Variants in ENTHD1 observed in about 807,000 individuals in gnomAD.
The protein encoded by ENTHD1 is ENTH domain-containing protein 1.
ENTHD1 carries 23 observed loss-of-function variants against 39.1 expected under a neutral mutation model. The observed-to-expected ratio is 0.59, with a 90% CI of 0.42 to 0.83. ENTHD1 has a LOEUF of 0.83. Among genes scored for constraint, ENTHD1 ranks in the 40% least tolerant of loss-of-function variants. The pLI, the probability that ENTHD1 is intolerant of heterozygous loss-of-function variation, is 0.00. For missense variants in ENTHD1, 624 were observed against 705.4 expected (o/e 0.88, Z 1.31); for synonymous variants, 230 against 258.2 (o/e 0.89, Z 1.05).
intron 5 of ENTHD1, among the ~76,000 whole-genome samples, chr22:39,767,132 C>T (rs569047989): frequency 1.3e-5 from 2 of 152,232 alleles, no homozygotes; most frequent in South Asian, 4.2e-4. Flanking sequence ...TCCCAGAGGA[C>T]AGGTTCAATG....
chr22:39,808,025 A>G (rs2065657553), intron 5 of ENTHD1, among the ~76,000 whole-genome samples: 1 of 152,130 alleles, frequency 6.6e-6, no homozygotes, highest in African/African-American at 2.4e-5. Flanking sequence ...CTTGGTCTAA[A>G]TGCTGACTTT....
intron 2 of ENTHD1, among the ~76,000 whole-genome samples, chr22:39,862,897 G>T (rs2066154327): frequency 6.6e-6 from 1 of 152,162 alleles, no homozygotes; most frequent in African/African-American, 2.4e-5. Flanking sequence ...TTTGTGAACA[G>T]ACTAAAGGTC....
chr22:39,841,628 G>A (rs1384674999), intron 3 of ENTHD1, among the ~76,000 whole-genome samples: 1 of 151,220 alleles, frequency 6.6e-6, no homozygotes, highest in Non-Finnish European at 1.5e-5. Context: ...GCCTATGTGT[G>A]TCTCTGCACG....
chr22:39,840,482 G>A (rs2065935394), intron 3 of ENTHD1, among the ~76,000 whole-genome samples: 1 of 152,186 alleles, frequency 6.6e-6, no homozygotes, highest in Admixed American at 6.5e-5. Flanking sequence ...CGCTCCATAA[G>A]TTGAACAGAT....
chr22:39,769,524 T>C (rs942323216), intron 5 of ENTHD1, among the ~76,000 whole-genome samples: 1 of 152,192 alleles, frequency 6.6e-6, no homozygotes, highest in African/African-American at 2.4e-5. Context: ...ATTAAATCCC[T>C]GCAACTTCCA....
chr22:39,852,944 T>C (rs1405168706), intron 3 of ENTHD1, among the ~76,000 whole-genome samples: 2 of 152,194 alleles, frequency 1.3e-5, no homozygotes, highest in Non-Finnish European at 2.9e-5. Flanking sequence ...GCAAATGTTT[T>C]AGTTACAACC....
chr22:39,756,287 GTCTCTCTCTCTCTCTC>G (rs769318998), intron 6 of ENTHD1, among the ~76,000 whole-genome samples: 1 of 144,336 alleles, frequency 6.9e-6, no homozygotes, highest in Non-Finnish European at 1.5e-5. Flanking sequence ...CAATGTCTCT[GTCTCTCTCTCTCTCTC>G]TCTCTCTCTC....
chr22:39,754,302 C>T (rs2065168532), intron 6 of ENTHD1, among the ~76,000 whole-genome samples: 1 of 152,224 alleles, frequency 6.6e-6, no homozygotes, highest in Non-Finnish European at 1.5e-5. Flanking sequence ...AATATCCACC[C>T]TTTTCATTCC....
Position 39,765,629 on chromosome 22 carries a change from A to G in ENTHD1, c.833-20T>C, listed in dbSNP as rs772735222. On this transcript the variant is annotated intron_variant, in intron 5 of 6. Transcript: ENST00000325157. ...CAGCATCTATAAAAGAACAAATAAG[A>G]GCTATAATCAAAAAATAAAACTGAA... The G allele has an allele frequency of 1.7e-5, 26 of 1,556,094 alleles. 1 individual carries two copies. Among genetic ancestry groups the G allele is most frequent in the Non-Finnish European group, 2.2e-5 (25 of 1,155,548 alleles).
At chr22:39,748,596 T>G (rs1224586489) in intron 6 of ENTHD1, among the ~76,000 whole-genome samples, 2 of 151,136 alleles carry the variant, frequency 1.3e-5, no homozygotes, top group African/African-American at 4.9e-5. Context: ...ATTTTTTTTT[T>G]GTGTTTTTAG....
intron 3 of ENTHD1, among the ~76,000 whole-genome samples, chr22:39,859,631 T>G (rs1376422161): frequency 6.6e-6 from 1 of 152,072 alleles, no homozygotes; most frequent in Non-Finnish European, 1.5e-5. Flanking sequence ...ATGACATCTA[T>G]CAGTAAGTTC....
intron 6 of ENTHD1, among the ~76,000 whole-genome samples, chr22:39,764,969 G>T (rs1166590007): frequency 6.6e-6 from 1 of 152,038 alleles, no homozygotes; most frequent in African/African-American, 2.4e-5. Flanking sequence ...CACCAAAATT[G>T]CTCAGATCTT....
At chr22:39,778,635 GC>G (rs2065384148) in intron 5 of ENTHD1, among the ~76,000 whole-genome samples, 2 of 152,130 alleles carry the variant, frequency 1.3e-5, no homozygotes, top group Non-Finnish European at 2.9e-5. Flanking sequence ...CAGAGAACAT[GC>G]CCCTTTGGAA....
chr22:39,859,924 C>T (rs965783150), intron 3 of ENTHD1, among the ~76,000 whole-genome samples: 10 of 152,096 alleles, frequency 6.6e-5, no homozygotes, highest in African/African-American at 2.4e-4. Flanking sequence ...TCGAGGTATG[C>T]CTGTATGTGG....
intron 4 of ENTHD1, among the ~76,000 whole-genome samples, chr22:39,830,308 C>G (rs2065859066): frequency 6.6e-6 from 1 of 152,128 alleles, no homozygotes; most frequent in Non-Finnish European, 1.5e-5. Context: ...CTCCTGACCT[C>G]AAGTGATCCG....
intron 5 of ENTHD1, among the ~76,000 whole-genome samples, chr22:39,773,117 C>CAAAAAAAAA (rs57398699): frequency 1.4e-4 from 5 of 36,142 alleles, no homozygotes; most frequent in African/African-American, 2.0e-4. Flanking sequence ...GACCTCATCT[C>CAAAAAAAAA]AAAAAAAAAA....
chr22:39,781,012 C>CAAAAAAAAAAAAAAAAAA (rs1555925222), intron 5 of ENTHD1, among the ~76,000 whole-genome samples: 2 of 138,270 alleles, frequency 1.4e-5, no homozygotes, highest in African/African-American at 2.6e-5. Context: ...AAAAAAAAAG[C>CAAAAAAAAAAAAAAAAAA]AAACAGTAGA....
chr22:39,869,809 T>C (rs938693227), intron 2 of ENTHD1, among the ~76,000 whole-genome samples: 5 of 151,358 alleles, frequency 3.3e-5, no homozygotes, highest in African/African-American at 7.3e-5. Context: ...AATATAAAAG[T>C]ATAAAACAAA....
At chr22:39,787,617 C>T (rs1424810767) in intron 5 of ENTHD1, among the ~76,000 whole-genome samples, 2 of 152,066 alleles carry the variant, frequency 1.3e-5, no homozygotes, top group Non-Finnish European at 2.9e-5. Flanking sequence ...CAAACCAGCC[C>T]CAACATTCCC....
Sources: gnomAD v4.1 joint callset for allele counts (sites outside exome capture counted in the v4.1 genomes callset) on GRCh38, gnomAD v4.1.1 for gene constraint, MANE v1.5 for transcripts, NCBI Gene and HGNC (gene_info 2026-07-23, HGNC 2026-07-21) for gene names.